Variants in AGMO observed in about 807,000 individuals in gnomAD.
AGMO encodes the protein alkylglycerol monooxygenase.
A neutral mutation model predicts 60.2 loss-of-function variants in AGMO; 75 were observed. That is an observed-to-expected ratio of 1.25 (90% CI 1.03 to 1.51). AGMO has a LOEUF of 1.51. AGMO is among the 40% of genes most tolerant of loss of function. The pLI is 0.00. For missense variants in AGMO, 763 were observed against 525.5 expected (o/e 1.45, Z -4.42); for synonymous variants, 261 against 177.1 (o/e 1.47, Z -3.76).
chr7:15,220,167 A>G (rs1404736332), intron 12 of AGMO, among the ~76,000 whole-genome samples: 2 of 148,534 alleles, frequency 1.3e-5, no homozygotes, highest in Admixed American at 6.7e-5. Context: ...ACTGACTGCT[A>G]TAATGGCAAC....
At chr7:15,277,487 G>C (rs1339154523) in intron 12 of AGMO, among the ~76,000 whole-genome samples, 3 of 152,006 alleles carry the variant, frequency 2.0e-5, no homozygotes, top group Non-Finnish European at 2.9e-5. Context: ...CTGATCTGGA[G>C]AAGCTGACAC....
intron 3 of AGMO, among the ~76,000 whole-genome samples, chr7:15,487,765 G>T (rs181891905): frequency 2.0e-5 from 3 of 151,960 alleles, no homozygotes; most frequent in East Asian, 3.9e-4. Flanking sequence ...ACATAAAATG[G>T]GCATGGCTTT....
chr7:15,325,409 T>C (rs1781306214), intron 12 of AGMO, among the ~76,000 whole-genome samples: 1 of 152,004 alleles, frequency 6.6e-6, no homozygotes, highest in Non-Finnish European at 1.5e-5. Context: ...TCAGTGAGCG[T>C]TCAAGGGCAT....
At position 15,340,225 on chromosome 7, in the gene AGMO, C is replaced by T. The variant is rs981054484; in HGVS notation, c.1263+25289G>A. Among the ~76,000 whole-genome samples, 6 of 152,048 alleles carry T rather than the reference C, an allele frequency of 3.9e-5. No individual in the cohort carries two copies. In the South Asian group the frequency reaches 6.2e-4, roughly 16 times the overall value. On this transcript the variant is annotated intron_variant, in intron 12 of 12. Coordinates refer to ENST00000342526, the MANE Select transcript of AGMO (RefSeq NM_001004320.2). Reference sequence around the variant, plus strand: ...CCTTGGAAAGGCTGAATAAATTGCACGTTACACACCTGCAGTTTGACTGTG... The same window carrying T: ...CCTTGGAAAGGCTGAATAAATTGCATGTTACACACCTGCAGTTTGACTGTG...
chr7:15,374,645 G>C (rs1026226957), intron 10 of AGMO, among the ~76,000 whole-genome samples: 3 of 151,912 alleles, frequency 2.0e-5, no homozygotes, highest in African/African-American at 4.8e-5. Flanking sequence ...CAGGGCACAA[G>C]GCAAAAAAGA....
At chr7:15,198,246 AGAGAGAGAGACAGAGACAGAGAGAGAGT>A (rs1249486491), downstream of AGMO, among the ~76,000 whole-genome samples, 2,373 of 90,818 alleles carry the variant, frequency 0.026, 77 homozygotes, top group South Asian at 0.052. Context: ...AGAGAGAGAG[AGAGAGAGAGACAGAGACAGAGAGAGAGT>A]GTGTTAAAGT....
chr7:15,263,796 A>C (rs1464382037), intron 12 of AGMO, among the ~76,000 whole-genome samples: 1 of 152,214 alleles, frequency 6.6e-6, no homozygotes, highest in Non-Finnish European at 1.5e-5. Flanking sequence ...TATTATTCTC[A>C]GTGAAGTAAC....
At chr7:15,309,242 A>C (rs1780697522) in intron 12 of AGMO, among the ~76,000 whole-genome samples, 1 of 152,148 alleles carries the variant, frequency 6.6e-6, no homozygotes, top group African/African-American at 2.4e-5. Flanking sequence ...ATCCTTACTG[A>C]GCAGTTTTAC....
chr7:15,396,089 G>A (rs373507713), intron 5 of AGMO: 3 of 152,228 alleles, frequency 2.0e-5, no homozygotes, highest in Non-Finnish European at 2.9e-5. Context: ...CAGCTGCTAA[G>A]GGATTTCCAC....
chr7:15,229,179 C>G (rs1428042146), intron 12 of AGMO, among the ~76,000 whole-genome samples: 2 of 152,022 alleles, frequency 1.3e-5, no homozygotes, highest in Non-Finnish European at 2.9e-5. Flanking sequence ...TTGCCTCCGA[C>G]AAACACAAAT....
At chr7:15,387,320 A>G in intron 9 of AGMO, 86 bp downstream of exon 9, 2 of 1,445,260 alleles carry the variant, frequency 1.4e-6, no homozygotes, top group Admixed American at 2.1e-5. Context: ...ACAGATTTGC[A>G]TGAAAACAGC....
chr7:15,412,260 C>CA (rs1209683523), intron 5 of AGMO, among the ~76,000 whole-genome samples: 14 of 152,068 alleles, frequency 9.2e-5, no homozygotes, highest in Admixed American at 2.0e-4. Context: ...TATCTCCAGA[C>CA]AAAAGGACTA....
intron 3 of AGMO, among the ~76,000 whole-genome samples, chr7:15,513,464 T>A (rs1783731619): frequency 1.3e-5 from 2 of 152,076 alleles, no homozygotes; most frequent in South Asian, 4.1e-4. Context: ...CTGGTGGGAG[T>A]GTGGGTGAGG....
intron 10 of AGMO, among the ~76,000 whole-genome samples, chr7:15,371,698 A>C (rs910629117): frequency 7.2e-6 from 1 of 138,992 alleles, no homozygotes; most frequent in Non-Finnish European, 1.6e-5. Flanking sequence ...GAACCCAGCC[A>C]ACGGCTGATT....
intron 3 of AGMO, among the ~76,000 whole-genome samples, chr7:15,447,555 T>G (rs1405620653): frequency 6.6e-6 from 1 of 152,032 alleles, no homozygotes; most frequent in Non-Finnish European, 1.5e-5. Flanking sequence ...TTTCTTTTCT[T>G]TTTTCTTTTT....
At chr7:15,271,362 C>A (rs978517085) in intron 12 of AGMO, among the ~76,000 whole-genome samples, 1 of 152,046 alleles carries the variant, frequency 6.6e-6, no homozygotes, top group Non-Finnish European at 1.5e-5. Flanking sequence ...TTTTGTAGTT[C>A]TCCTTGTAAA....
intron 3 of AGMO, among the ~76,000 whole-genome samples, chr7:15,541,147 G>A (rs999709722): frequency 6.6e-6 from 1 of 151,876 alleles, no homozygotes; most frequent in Non-Finnish European, 1.5e-5. Flanking sequence ...TTTGAGACGG[G>A]GTCTCGCTCT....
chr7:15,179,389 T>C, the AGMO span, among the ~76,000 whole-genome samples: 1 of 152,108 alleles, frequency 6.6e-6, no homozygotes, highest in Non-Finnish European at 1.5e-5. Context: ...GGTGGGACAG[T>C]CATAGAATAG....
chr7:15,397,190 G>C (rs1784424061), intron 5 of AGMO, among the ~76,000 whole-genome samples: 1 of 152,184 alleles, frequency 6.6e-6, no homozygotes, highest in South Asian at 2.1e-4. Flanking sequence ...GCGAGAAAGA[G>C]ACGGAGACCC....
Sources: gnomAD v4.1 joint callset for allele counts (sites outside exome capture counted in the v4.1 genomes callset) on GRCh38, gnomAD v4.1.1 for gene constraint, MANE v1.5 for transcripts, NCBI Gene and HGNC (gene_info 2026-07-23, HGNC 2026-07-21) for gene names.